ARHGEF7: variants seen among roughly 807,000 people sequenced by gnomAD.
The protein encoded by ARHGEF7 is Rho guanine nucleotide exchange factor 7.
Under a neutral mutation model 109.8 loss-of-function variants are expected in ARHGEF7, and 33 were observed. That is an observed-to-expected ratio of 0.30 (90% CI 0.23 to 0.40). The LOEUF (loss-of-function observed/expected upper bound fraction) is 0.40. ARHGEF7 is among the 10% of genes least tolerant of loss of function. ARHGEF7 has a pLI of 1.00. For missense variants in ARHGEF7, 938 were observed against 1,098.5 expected (o/e 0.85, Z 2.07); for synonymous variants, 458 against 424.6 (o/e 1.08, Z -0.97).
chr13:111,173,524 G>C (rs973459604), intron 2 of ARHGEF7, among the ~76,000 whole-genome samples: 1 of 152,226 alleles, frequency 6.6e-6, no homozygotes, highest in African/African-American at 2.4e-5. Context: ...CTCAGCCCCA[G>C]GATGTGGAGG....
chr13:111,206,245 A>G (rs2081833481), intron 3 of ARHGEF7, among the ~76,000 whole-genome samples: 1 of 149,586 alleles, frequency 6.7e-6, no homozygotes, highest in Admixed American at 6.6e-5. Context: ...GGGGGGGTGT[A>G]CTTGCCTCAC....
chr13:111,243,367 C>T (rs1354418297), intron 6 of ARHGEF7, among the ~76,000 whole-genome samples: 5 of 152,228 alleles, frequency 3.3e-5, no homozygotes, highest in African/African-American at 4.8e-5. Flanking sequence ...TCACCTTAGA[C>T]ATTTACGTCA....
rs576944338 is a variant in ARHGEF7 at position 111,192,197 on chromosome 13, G to A, written c.253-13092G>A. On this transcript the variant is annotated intron_variant, in intron 2 of 21. Coordinates refer to ENST00000646102, the MANE Select transcript of ARHGEF7 (RefSeq NM_001354046.2). ...CTGATGGTCCTGCAGGTTTCTCAGC[G>A]GGTGTCCAAAATTTAACTCGGGTGT... 1.3e-3 allele frequency among the ~76,000 whole-genome samples: 197 copies of A among 152,208 alleles called. 2 individuals carry two copies. Among genetic ancestry groups the A allele is most frequent in the South Asian group, 7.7e-3 (37 of 4,812 alleles).
chr13:111,263,212 T>A (rs181343635), intron 8 of ARHGEF7, among the ~76,000 whole-genome samples: 1 of 152,222 alleles, frequency 6.6e-6, no homozygotes, highest in East Asian at 1.9e-4. Context: ...TATCTGCTAC[T>A]GAATTAATGA....
At chr13:111,177,986 C>T (rs1199316894) in intron 2 of ARHGEF7, among the ~76,000 whole-genome samples, 4 of 152,206 alleles carry the variant, frequency 2.6e-5, no homozygotes, top group East Asian at 1.9e-4. Context: ...CTTCTCCATG[C>T]GCAGGGAATT....
At chr13:111,210,745 G>T (rs2082395730) in intron 4 of ARHGEF7, among the ~76,000 whole-genome samples, 1 of 152,206 alleles carries the variant, frequency 6.6e-6, no homozygotes, top group Non-Finnish European at 1.5e-5. Context: ...ACTTCGATTG[G>T]CTGCTGGGGA....
intron 1 of ARHGEF7, among the ~76,000 whole-genome samples, chr13:111,132,001 G>C (rs112505583): frequency 0.033 from 5,071 of 152,270 alleles, 91 homozygotes; most frequent in Middle Eastern, 0.044. Flanking sequence ...CACCCATGGA[G>C]GGGTGCATGC....
At chr13:111,172,110 G>A (rs1304185003) in intron 2 of ARHGEF7, among the ~76,000 whole-genome samples, 2 of 152,126 alleles carry the variant, frequency 1.3e-5, no homozygotes, top group Admixed American at 6.5e-5. Flanking sequence ...GAGAAAACAC[G>A]TTCGTAATCT....
intron 3 of ARHGEF7, among the ~76,000 whole-genome samples, chr13:111,206,148 G>A (rs2081809918): frequency 6.6e-6 from 1 of 151,800 alleles, no homozygotes; most frequent in Admixed American, 6.6e-5. Flanking sequence ...CAGGTTTGTG[G>A]GGGAAAGTGC....
chr13:111,233,154 T>G, intron 5 of ARHGEF7, 51 bp from the exon 6 acceptor site: 1 of 1,492,534 alleles, frequency 6.7e-7, no homozygotes, highest in Non-Finnish European at 9.3e-7. Context: ...GGCTGGAACT[T>G]TTGTCATCTT....
chr13:111,240,905 A>G (rs2087653547), intron 6 of ARHGEF7, among the ~76,000 whole-genome samples: 1 of 152,228 alleles, frequency 6.6e-6, no homozygotes, highest in African/African-American at 2.4e-5. Context: ...AAGGCTGTTG[A>G]TGACATAAAC....
In ARHGEF7 at chr13:111,255,635, G is replaced by A. The variant is rs1445642885; in HGVS notation, c.950+11341G>A. On this transcript the variant is annotated intron_variant, in intron 8 of 21. Coordinates refer to ENST00000646102, the MANE Select transcript of ARHGEF7 (RefSeq NM_001354046.2). The surrounding 1 kb of genome is among the most constrained non-coding windows in gnomAD (Gnocchi z 4.1). ...TGTAACTTCGCACTGGCTTTGGAGGGCCCTGAGTGAGCTGGCTGGTGTTCG... is the reference window on the plus strand; with the variant it reads ...TGTAACTTCGCACTGGCTTTGGAGGACCCTGAGTGAGCTGGCTGGTGTTCG... 2.6e-5 allele frequency among the ~76,000 whole-genome samples: 4 copies of A among 152,212 alleles called. No homozygotes were observed. Among genetic ancestry groups the A allele is most frequent in the African/African-American group, 7.2e-5 (3 of 41,448 alleles).
intron 8 of ARHGEF7, among the ~76,000 whole-genome samples, chr13:111,245,196 GT>G (rs1488528316): frequency 6.6e-6 from 1 of 152,102 alleles, no homozygotes; most frequent in Non-Finnish European, 1.5e-5. Flanking sequence ...AGATGTAATG[GT>G]TTTGTGGAGA....
intron 8 of ARHGEF7, among the ~76,000 whole-genome samples, chr13:111,260,797 G>C (rs1390375678): frequency 6.6e-6 from 1 of 152,190 alleles, no homozygotes; most frequent in Non-Finnish European, 1.5e-5. Flanking sequence ...TTTCAAGACA[G>C]TACAGTAAGA....
At chr13:111,231,802 C>T (rs538551262) in intron 5 of ARHGEF7, among the ~76,000 whole-genome samples, 7 of 152,192 alleles carry the variant, frequency 4.6e-5, no homozygotes, top group South Asian at 4.2e-4. Context: ...AGTGTGTTCC[C>T]GCCCAGTGAG....
At chr13:111,188,726 T>C (rs2079533901) in intron 2 of ARHGEF7, among the ~76,000 whole-genome samples, 1 of 152,256 alleles carries the variant, frequency 6.6e-6, no homozygotes, top group Non-Finnish European at 1.5e-5. Flanking sequence ...TTTTGAATAA[T>C]GGAGAATTCT....
chr13:111,164,641 T>C (rs1379949148), intron 2 of ARHGEF7, among the ~76,000 whole-genome samples: 1 of 152,232 alleles, frequency 6.6e-6, no homozygotes, highest in Non-Finnish European at 1.5e-5. Flanking sequence ...CTGTGATCAA[T>C]AACAGGATTA....
At chr13:111,132,590 T>G (rs2074813257) in intron 1 of ARHGEF7, among the ~76,000 whole-genome samples, 1 of 152,226 alleles carries the variant, frequency 6.6e-6, no homozygotes, top group African/African-American at 2.4e-5. Context: ...CTCCTGGGAT[T>G]GACTTTTTCT....
Position 111,262,955 on chromosome 13 carries a change from G to A in ARHGEF7, c.951-4593G>A, listed in dbSNP as rs573722451. On this transcript the variant is annotated intron_variant, in intron 8 of 21. Coordinates refer to ENST00000646102, the MANE Select transcript of ARHGEF7 (RefSeq NM_001354046.2). Reference sequence around the variant, plus strand: ...CATGTGCACCATCCTGCTGCCCAAGGCCTTGATGTAGCCCCTGTGGGGTGC... The same window carrying A: ...CATGTGCACCATCCTGCTGCCCAAGACCTTGATGTAGCCCCTGTGGGGTGC... Among the ~76,000 whole-genome samples the A allele has an allele frequency of 2.6e-5, 4 of 152,348 alleles. No homozygotes were observed. In the East Asian group the frequency reaches 5.8e-4, roughly 22 times the overall value.
Sources: gnomAD v4.1 joint callset for allele counts (sites outside exome capture counted in the v4.1 genomes callset) on GRCh38, gnomAD v4.1.1 for gene constraint, Gnocchi (gnomAD v3.1) non-coding constraint, MANE v1.5 for transcripts, NCBI Gene and HGNC (gene_info 2026-07-23, HGNC 2026-07-21) for gene names.